Variants in CDK12 observed in about 807,000 individuals in gnomAD.
CDK12 encodes cyclin-dependent kinase 12.
In CDK12, 17 loss-of-function variants were observed where a neutral mutation model predicts 133.8. The observed-to-expected ratio is 0.13, with a 90% CI of 0.09 to 0.19. CDK12 has a LOEUF of 0.19. Among genes scored for constraint, CDK12 ranks in the 10% least tolerant of loss-of-function variants. The probability of loss-of-function intolerance (pLI) is 1.00; values close to 1 mark genes in which losing one functional copy is unlikely to be tolerated. For synonymous variants in CDK12, 694 were observed against 683.6 expected, an observed-to-expected ratio of 1.02 and a Z score of -0.24; for missense variants, 1,508 against 1,818.7, an observed-to-expected ratio of 0.83 and a Z score of 3.11.
intron 6 of CDK12, among the ~76,000 whole-genome samples, chr17:39,506,399 G>A (rs1016477505): frequency 6.6e-6 from 1 of 150,840 alleles, no homozygotes; most frequent in African/African-American, 2.4e-5. Context: ...ATTTTTAGTA[G>A]AGACGGGGTT....
At position 39,526,408 on chromosome 17, in the gene CDK12, G is replaced by A. The variant is rs968561249; in HGVS notation, c.3760+92G>A. ...ACATTTTTTTTCCCCCACATCAATG[G>A]CCTTGGTTTCAGTTATTCTGTAACC... On this transcript the variant is annotated intron_variant, in intron 13 of 13. Transcript: ENST00000447079. 13 of 936,134 alleles carry A rather than the reference G, an allele frequency of 1.4e-5. No homozygotes were observed. The East Asian group carries it at 3.4e-4, about 25-fold the overall frequency. 58.0% of individuals were successfully genotyped at this position (936,134 alleles called of 1,614,324 possible). A position where few individuals can be genotyped will look rare whatever the true frequency, so the allele number is the denominator to read the frequency against.
intron 2 of CDK12, among the ~76,000 whole-genome samples, chr17:39,474,964 A>G (rs1217936243): frequency 1.3e-5 from 2 of 151,458 alleles, no homozygotes; most frequent in Admixed American, 6.6e-5. Context: ...TCCTCTGAGT[A>G]GCTGAGATTA....
At chr17:39,466,405 G>A (rs1470242134) in intron 1 of CDK12, among the ~76,000 whole-genome samples, 2 of 148,608 alleles carry the variant, frequency 1.3e-5, no homozygotes, top group African/African-American at 2.5e-5. Flanking sequence ...ACCTGAGGTC[G>A]GGAGTTCGAG....
intron 9 of CDK12, among the ~76,000 whole-genome samples, chr17:39,517,024 G>A (rs1349504436): frequency 1.3e-5 from 2 of 152,034 alleles, no homozygotes; most frequent in African/African-American, 2.4e-5. Flanking sequence ...TTGGTAAACT[G>A]TTGATTATCT....
intron 3 of CDK12, among the ~76,000 whole-genome samples, chr17:39,562,128 C>T (rs1300884120): frequency 4.6e-5 from 7 of 152,092 alleles, no homozygotes; most frequent in African/African-American, 1.7e-4. Context: ...TTAGTAGAGA[C>T]GGGGTTTCAC....
intron 2 of CDK12, among the ~76,000 whole-genome samples, chr17:39,483,908 A>G (rs1029953663): frequency 6.6e-6 from 1 of 151,478 alleles, no homozygotes; most frequent in African/African-American, 2.4e-5. Context: ...CAGTGGCATG[A>G]TCTTGGCTCA....
chr17:39,551,937 G>C (rs922152573), intron 2 of CDK12, among the ~76,000 whole-genome samples: 4 of 152,186 alleles, frequency 2.6e-5, no homozygotes, highest in Admixed American at 2.0e-4. Context: ...AGTTAGGTTA[G>C]GGACAAGGAT....
At chr17:39,500,450 T>C (rs1449086978) in intron 5 of CDK12, among the ~76,000 whole-genome samples, 2 of 151,532 alleles carry the variant, frequency 1.3e-5, no homozygotes, top group Non-Finnish European at 2.9e-5. Flanking sequence ...CTGACCAACA[T>C]GGTGAAATCT....
intron 2 of CDK12, among the ~76,000 whole-genome samples, chr17:39,480,521 A>C (rs1290592323): frequency 6.6e-6 from 1 of 151,960 alleles, no homozygotes; most frequent in Admixed American, 6.6e-5. Flanking sequence ...AGCTCACTGC[A>C]ACCTCTGCCT....
chr17:39,522,050 C>T (rs2054206748), intron 11 of CDK12, among the ~76,000 whole-genome samples: 1 of 152,184 alleles, frequency 6.6e-6, no homozygotes, highest in Non-Finnish European at 1.5e-5. Flanking sequence ...TCATGCATGT[C>T]TCTGGTGACC....
chr17:39,541,981 G>C (rs1597663098), intron 1 of CDK12, among the ~76,000 whole-genome samples: 1 of 152,174 alleles, frequency 6.6e-6, no homozygotes, highest in Non-Finnish European at 1.5e-5. Flanking sequence ...CTAGATCCAA[G>C]AGGCCAGAAT....
intron 2 of CDK12, among the ~76,000 whole-genome samples, chr17:39,481,637 T>G (rs12940668): frequency 0.5 from 12,953 of 26,130 alleles, 1,960 homozygotes; most frequent in African/African-American, 0.56. Flanking sequence ...TCGCGCGCTC[T>G]CTCTCTCTCT....
At chr17:39,510,594 C>T (rs2053437957) in intron 7 of CDK12, among the ~76,000 whole-genome samples, 1 of 149,960 alleles carries the variant, frequency 6.7e-6, no homozygotes, top group South Asian at 2.1e-4. Flanking sequence ...TTATTTTTTT[C>T]TCTCTTCTCT....
intron 3 of CDK12, among the ~76,000 whole-genome samples, chr17:39,561,302 T>G (rs979869435): frequency 1.3e-5 from 2 of 152,206 alleles, no homozygotes; most frequent in African/African-American, 4.8e-5. Flanking sequence ...AAGGGAGATA[T>G]AGCACTTTTT....
chr17:39,502,230 G>A (rs922718148), intron 6 of CDK12, among the ~76,000 whole-genome samples: 1 of 151,914 alleles, frequency 6.6e-6, no homozygotes, highest in Non-Finnish European at 1.5e-5. Flanking sequence ...TCACCTTACT[G>A]CAAGCTCTGC....
Position 39,492,827 on chromosome 17 carries a change from A to G in CDK12, c.2185A>G (p.Ile729Val). The G allele has an allele frequency of 1.9e-6, 3 of 1,613,404 alleles. No individual in the cohort carries two copies. Among genetic ancestry groups the G allele is most frequent in the South Asian group, 1.1e-5 (1 of 91,032 alleles). Residue 729 changes from isoleucine to valine, a missense_variant, in exon 4 of 14, where the codon ATT becomes GTT. By Grantham distance (29) the Ile-to-Val change is conservative. Coordinates refer to ENST00000447079, the MANE Select transcript of CDK12 (RefSeq NM_016507.4). ...WGKRCVDKFDIIGIIGEGTYG... is the reference protein window; with the variant it reads ...WGKRCVDKFDVIGIIGEGTYG... ...GAAACGCTGTGTGGACAAGTTTGAC[A>G]TTATTGGGATTATTGGAGAAGGAAC...
intron 7 of CDK12, 61 bp from the exon 8 acceptor site, chr17:39,511,468 G>A (rs899467510): frequency 2.9e-6 from 3 of 1,052,452 alleles, no homozygotes; most frequent in Non-Finnish European, 4.4e-6. Context: ...ATTTAGTTAT[G>A]TGAATATTTT....
intron 4 of CDK12, 93 bp downstream of exon 4, chr17:39,492,983 T>G: frequency 1.8e-6 from 2 of 1,106,322 alleles, no homozygotes; most frequent in Non-Finnish European, 2.6e-6. Context: ...AATTCTGAGG[T>G]GTTTTGTTTG....
Position 39,493,253 on chromosome 17 carries a change from T to G in CDK12, c.2248+363T>G, listed in dbSNP as rs2051793024. Among the ~76,000 whole-genome samples the G allele has an allele frequency of 2.0e-5, 3 of 149,092 alleles. No homozygotes were observed. In the South Asian group the frequency reaches 6.6e-4, roughly 33 times the overall value. Reference sequence around the variant, plus strand: ...CCTGACCTCAAGCAATCTGCCCACCTCGGCCTCCCAAAGTGCTGGGATTAT... The same window carrying G: ...CCTGACCTCAAGCAATCTGCCCACCGCGGCCTCCCAAAGTGCTGGGATTAT... On this transcript the variant is annotated intron_variant, in intron 4 of 13. Transcript: ENST00000447079.
Sources: allele counts gnomAD v4.1 joint callset (sites outside exome capture counted in the v4.1 genomes callset), GRCh38; gene constraint gnomAD v4.1.1; transcripts MANE v1.5; gene names NCBI Gene and HGNC (gene_info 2026-07-23, HGNC 2026-07-21).